Variants in TCF7L1 observed in about 807,000 individuals in gnomAD.
TCF7L1 encodes transcription factor 7-like 1.
TCF7L1 carries 18 observed loss-of-function variants against 63.7 expected under a neutral mutation model. The observed-to-expected ratio is 0.28, with a 90% CI of 0.20 to 0.42. TCF7L1 has a LOEUF of 0.42. TCF7L1 is among the 10% of genes least tolerant of loss of function. TCF7L1 has a pLI of 1.00. For synonymous variants in TCF7L1, 355 were observed against 340.9 expected (o/e 1.04, Z -0.46); for missense variants, 654 against 779.3 (o/e 0.84, Z 1.91).
chr2:85,248,999 G>A (rs1409988147), intron 3 of TCF7L1, among the ~76,000 whole-genome samples: 2 of 136,482 alleles, frequency 1.5e-5, no homozygotes, highest in East Asian at 4.0e-4. Flanking sequence ...CCTTGGGGAG[G>A]GAAAAAAAAA....
chr2:85,206,600 G>A (rs2104284521), intron 3 of TCF7L1, among the ~76,000 whole-genome samples: 1 of 152,272 alleles, frequency 6.6e-6, no homozygotes, highest in Non-Finnish European at 1.5e-5. Context: ...TATTGAGAGT[G>A]GGGTTTGTGC....
chr2:85,140,838 G>A (rs1365504371), intron 3 of TCF7L1, among the ~76,000 whole-genome samples: 1 of 152,118 alleles, frequency 6.6e-6, no homozygotes, highest in Non-Finnish European at 1.5e-5. Context: ...TCCAACCTGG[G>A]CAACAAGAGT....
At chr2:85,269,094 G>A (rs1175506651) in intron 3 of TCF7L1, among the ~76,000 whole-genome samples, 3 of 152,152 alleles carry the variant, frequency 2.0e-5, no homozygotes, top group Non-Finnish European at 4.4e-5. Context: ...AGACAATAGT[G>A]GTGTGTCCTG....
At chr2:85,235,997 A>T (rs1403645247) in intron 3 of TCF7L1, among the ~76,000 whole-genome samples, 3 of 152,054 alleles carry the variant, frequency 2.0e-5, no homozygotes, top group African/African-American at 7.3e-5. Context: ...CGCCTCTACA[A>T]AAAAAATCAA....
intron 3 of TCF7L1, among the ~76,000 whole-genome samples, chr2:85,211,244 T>G (rs1331779562): frequency 6.6e-6 from 1 of 152,216 alleles, no homozygotes; most frequent in African/African-American, 2.4e-5. Context: ...AGGAATTGTC[T>G]GGAACCACCA....
intron 3 of TCF7L1, among the ~76,000 whole-genome samples, chr2:85,152,050 T>G (rs1678029993): frequency 6.6e-6 from 1 of 152,228 alleles, no homozygotes; most frequent in Non-Finnish European, 1.5e-5. Flanking sequence ...TTATCCTTAT[T>G]GATACCCAAA....
At chr2:85,259,032 C>T (rs1441400057) in intron 3 of TCF7L1, among the ~76,000 whole-genome samples, 1 of 152,172 alleles carries the variant, frequency 6.6e-6, no homozygotes, top group Non-Finnish European at 1.5e-5. Flanking sequence ...TCGGTGACAC[C>T]CCCACTCTAT....
chr2:85,237,071 G>C (rs1021900752), intron 3 of TCF7L1, among the ~76,000 whole-genome samples: 8 of 152,164 alleles, frequency 5.3e-5, no homozygotes, highest in African/African-American at 1.9e-4. Context: ...AGACCTTTCT[G>C]GTTGGGTTTT....
At chr2:85,176,005 T>C (rs1224616478) in intron 3 of TCF7L1, among the ~76,000 whole-genome samples, 1 of 152,236 alleles carries the variant, frequency 6.6e-6, no homozygotes, top group African/African-American at 2.4e-5. Context: ...AAGACAGACT[T>C]CCTTCTGATG....
In TCF7L1 at chr2:85,243,704, T is replaced by C. The variant is rs577954208; in HGVS notation, c.442-39791T>C. 7.2e-5 allele frequency among the ~76,000 whole-genome samples: 11 copies of C among 152,222 alleles called. No homozygotes were observed. In the Middle Eastern group the frequency reaches 0.01, roughly 141 times the overall value. On this transcript the variant is annotated intron_variant, in intron 3 of 11. Coordinates refer to ENST00000282111, the MANE Select transcript of TCF7L1 (RefSeq NM_031283.3). The stretch of plus-strand genomic sequence containing the variant: ...GGTCTTGGGTTCTGAGTGGGCAGGA[T>C]TCTGGCTCAGGGTGAGAGGTGAAAC...
At chr2:85,202,730 T>G (rs910483417) in intron 3 of TCF7L1, among the ~76,000 whole-genome samples, 1 of 152,210 alleles carries the variant, frequency 6.6e-6, no homozygotes, top group Non-Finnish European at 1.5e-5. Context: ...GCTTGGGAGC[T>G]CTAGTCCCTT....
chr2:85,234,653 C>T (rs1680157623), intron 3 of TCF7L1, among the ~76,000 whole-genome samples: 1 of 152,198 alleles, frequency 6.6e-6, no homozygotes. Flanking sequence ...GGATCGCCTA[C>T]TTAACTTTTA....
intron 3 of TCF7L1, among the ~76,000 whole-genome samples, chr2:85,209,356 G>A (rs1489638017): frequency 2.0e-5 from 3 of 152,350 alleles, no homozygotes; most frequent in African/African-American, 7.2e-5. Context: ...GTACATGCAT[G>A]AGATGGAAAG....
chr2:85,234,637 C>T (rs936733381), intron 3 of TCF7L1, among the ~76,000 whole-genome samples: 6 of 152,152 alleles, frequency 3.9e-5, no homozygotes, highest in African/African-American at 9.7e-5. Flanking sequence ...ATGTTCTGCC[C>T]GAAGTGGATC....
chr2:85,154,299 A>G (rs1678090960), intron 3 of TCF7L1, among the ~76,000 whole-genome samples: 1 of 152,322 alleles, frequency 6.6e-6, no homozygotes, highest in Admixed American at 6.5e-5. Flanking sequence ...TATATGAACA[A>G]GAGCTTTTGT....
intron 3 of TCF7L1, among the ~76,000 whole-genome samples, chr2:85,159,771 A>G (rs1678242129): frequency 6.6e-6 from 1 of 152,246 alleles, no homozygotes; most frequent in African/African-American, 2.4e-5. Context: ...CTCTCACAGC[A>G]GGCCTGGCCT....
chr2:85,229,033 A>C (rs1321405200), intron 3 of TCF7L1, among the ~76,000 whole-genome samples: 1 of 140,044 alleles, frequency 7.1e-6, no homozygotes, highest in Non-Finnish European at 1.5e-5. Context: ...AAAAAAAAAA[A>C]AAAAAAGAAA....
At chr2:85,214,579 T>C (rs1191180557) in intron 3 of TCF7L1, among the ~76,000 whole-genome samples, 1 of 152,152 alleles carries the variant, frequency 6.6e-6, no homozygotes, top group Non-Finnish European at 1.5e-5. Flanking sequence ...GAGTAGGAGT[T>C]ACCTTGGGGG....
intron 4 of TCF7L1, among the ~76,000 whole-genome samples, chr2:85,284,727 T>C (rs2104370239): frequency 6.6e-6 from 1 of 152,320 alleles, no homozygotes. Flanking sequence ...CGAGCAGACA[T>C]AGGACTTCAC....
Sources: gnomAD v4.1 joint callset for allele counts (sites outside exome capture counted in the v4.1 genomes callset) on GRCh38, gnomAD v4.1.1 for gene constraint, MANE v1.5 for transcripts, NCBI Gene and HGNC (gene_info 2026-07-23, HGNC 2026-07-21) for gene names.